The following CNBD1 variants were observed in gnomAD, a reference collection of about 807,000 sequenced individuals.
CNBD1 encodes the protein cyclic nucleotide binding domain containing 1.
CNBD1 carries 71 observed loss-of-function variants against 54.4 expected under a neutral mutation model. The observed-to-expected ratio is 1.30, with a 90% CI of 1.08 to 1.59. The LOEUF is 1.59. Ranked by LOEUF, CNBD1 falls within the 40% of genes most tolerant of loss-of-function variation. The pLI is 0.00. For synonymous variants in CNBD1, 182 were observed against 170.7 expected (o/e 1.07, Z -0.51); for missense variants, 659 against 518.0 (o/e 1.27, Z -2.64).
At chr8:86,932,196 G>A (rs549127560) in intron 3 of CNBD1, among the ~76,000 whole-genome samples, 6 of 152,264 alleles carry the variant, frequency 3.9e-5, no homozygotes, top group African/African-American at 1.4e-4. Context: ...GAGGTCGAAG[G>A]TTTGCCCTAG....
At chr8:87,187,569 A>G (rs1236759267) in intron 4 of CNBD1, among the ~76,000 whole-genome samples, 1 of 152,064 alleles carries the variant, frequency 6.6e-6, no homozygotes, top group Non-Finnish European at 1.5e-5. Flanking sequence ...AAAATTTCAA[A>G]CCAGCATTAT....
intron 8 of CNBD1, among the ~76,000 whole-genome samples, chr8:87,319,952 T>C (rs1449420635): frequency 6.6e-6 from 1 of 152,044 alleles, no homozygotes; most frequent in African/African-American, 2.4e-5. Flanking sequence ...CCGTCTCTTT[T>C]TGAGAATGGC....
At chr8:87,154,637 C>T (rs569180725) in intron 4 of CNBD1, among the ~76,000 whole-genome samples, 2 of 152,132 alleles carry the variant, frequency 1.3e-5, no homozygotes, top group South Asian at 4.1e-4. Context: ...AACTTTATTT[C>T]ATATGGTGTT....
chr8:87,252,631 T>G (rs556454417), intron 6 of CNBD1, among the ~76,000 whole-genome samples: 1 of 152,286 alleles, frequency 6.6e-6, no homozygotes, highest in African/African-American at 2.4e-5. Context: ...GTTTTCAAAT[T>G]TAAAATCTAG....
intron 5 of CNBD1, among the ~76,000 whole-genome samples, chr8:87,211,852 G>A (rs1417066246): frequency 6.6e-6 from 1 of 152,122 alleles, no homozygotes; most frequent in Non-Finnish European, 1.5e-5. Context: ...CTATATTATA[G>A]AAACTCATAT....
At chr8:86,958,548 C>G (rs1230574330) in intron 4 of CNBD1, among the ~76,000 whole-genome samples, 1 of 152,192 alleles carries the variant, frequency 6.6e-6, no homozygotes, top group South Asian at 2.1e-4. Flanking sequence ...GTAGTTAGCT[C>G]TTCTTGTTGA....
chr8:87,320,879 T>A (rs887700835), intron 8 of CNBD1, among the ~76,000 whole-genome samples: 3 of 152,124 alleles, frequency 2.0e-5, no homozygotes, highest in Non-Finnish European at 4.4e-5. Flanking sequence ...TCACCTTCCC[T>A]GCAGCCCCTG....
chr8:87,011,136 TG>T (rs1216491811), intron 4 of CNBD1, among the ~76,000 whole-genome samples: 1 of 152,070 alleles, frequency 6.6e-6, no homozygotes, highest in Non-Finnish European at 1.5e-5. Flanking sequence ...AGTGTACTTT[TG>T]TAGGGTTTTC....
intron 4 of CNBD1, among the ~76,000 whole-genome samples, chr8:87,050,756 G>A (rs1046205949): frequency 6.6e-6 from 1 of 152,180 alleles, no homozygotes; most frequent in Non-Finnish European, 1.5e-5. Flanking sequence ...ATGAGATGTA[G>A]GTCCTGAACT....
intron 10 of CNBD1, among the ~76,000 whole-genome samples, chr8:87,361,689 A>AATATAT (rs71277937): frequency 0.046 from 6,533 of 143,350 alleles, 196 homozygotes; most frequent in Middle Eastern, 0.072. Flanking sequence ...TAGTTGGATG[A>AATATAT]ATATATATAT....
intron 4 of CNBD1, among the ~76,000 whole-genome samples, chr8:86,970,011 A>T (rs139167935): frequency 6.6e-6 from 1 of 151,830 alleles, no homozygotes; most frequent in Non-Finnish European, 1.5e-5. Context: ...TTCAGATTTT[A>T]TTTGTTCAGA....
At chr8:87,165,211 C>G (rs2130763192) in intron 4 of CNBD1, among the ~76,000 whole-genome samples, 2 of 152,008 alleles carry the variant, frequency 1.3e-5, no homozygotes, top group Admixed American at 1.3e-4. Context: ...TCTGTGTGCA[C>G]TTAAGAAAAA....
At chr8:87,031,544 C>G (rs905682036) in intron 4 of CNBD1, among the ~76,000 whole-genome samples, 1 of 152,156 alleles carries the variant, frequency 6.6e-6, no homozygotes, top group African/African-American at 2.4e-5. Context: ...CCAGGATGAT[C>G]TCATCCATTC....
intron 4 of CNBD1, among the ~76,000 whole-genome samples, chr8:86,978,412 T>C (rs1279937517): frequency 1.3e-5 from 2 of 151,880 alleles, no homozygotes; most frequent in African/African-American, 4.8e-5. Flanking sequence ...TCTGAAAAAA[T>C]TTTTGTCTCT....
chr8:86,968,745 G>T (rs1407845270), intron 4 of CNBD1, among the ~76,000 whole-genome samples: 2 of 152,150 alleles, frequency 1.3e-5, no homozygotes, highest in Non-Finnish European at 2.9e-5. Flanking sequence ...GGGTGGTAGA[G>T]GAAATAGTTA....
At chr8:87,141,917 A>T (rs1812377966) in intron 4 of CNBD1, among the ~76,000 whole-genome samples, 1 of 152,164 alleles carries the variant, frequency 6.6e-6, no homozygotes, top group Non-Finnish European at 1.5e-5. Context: ...AATTAAATTT[A>T]TACTGTAATT....
chr8:87,214,388 A>C (rs968695734), intron 5 of CNBD1, among the ~76,000 whole-genome samples: 1 of 152,138 alleles, frequency 6.6e-6, no homozygotes, highest in African/African-American at 2.4e-5. Flanking sequence ...CCAACAAGTT[A>C]TTTATCTCCA....
At chr8:87,291,409 G>T (rs1808781742) in intron 8 of CNBD1, among the ~76,000 whole-genome samples, 1 of 151,780 alleles carries the variant, frequency 6.6e-6, no homozygotes, top group African/African-American at 2.4e-5. Flanking sequence ...ATGCCTCTTT[G>T]TCTCTCTGGG....
Position 87,202,312 on chromosome 8 carries a change from CATACA to C in CNBD1, c.432-3674_432-3670del, listed in dbSNP as rs1268320520. On this transcript the variant is annotated intron_variant, in intron 4 of 10. Coordinates refer to ENST00000518476, the MANE Select transcript of CNBD1 (RefSeq NM_173538.3). ...ATATATAGACCAAATTGATAGAAAA[CATACA>C]ATACAAGGAAAGATACAGAAGATTA... is the stretch of plus-strand genomic sequence containing the variant. Among the ~76,000 whole-genome samples the C allele has an allele frequency of 9.9e-5, 15 of 152,094 alleles. No individual in the cohort carries two copies. In the South Asian group the frequency reaches 1.7e-3, roughly 17 times the overall value.
Sources: allele counts gnomAD v4.1 joint callset (sites outside exome capture counted in the v4.1 genomes callset), GRCh38; gene constraint gnomAD v4.1.1; transcripts MANE v1.5; gene names NCBI Gene and HGNC (gene_info 2026-07-23, HGNC 2026-07-21).